Variants in MYPN observed in about 807,000 individuals in gnomAD.
The protein encoded by MYPN is myopalladin.
In MYPN, 63 loss-of-function variants were observed where a neutral mutation model predicts 129.4. The observed-to-expected ratio is 0.49, with a 90% CI of 0.40 to 0.60. The LOEUF (loss-of-function observed/expected upper bound fraction) is 0.60. Among genes scored for constraint, MYPN ranks in the 20% least tolerant of loss-of-function variants. The probability of loss-of-function intolerance (pLI) is 0.00; values close to 1 mark genes in which losing one functional copy is unlikely to be tolerated. For synonymous variants in MYPN, 629 were observed against 600.9 expected, an observed-to-expected ratio of 1.05 and a Z score of -0.68; for missense variants, 1,596 against 1,635.4, an observed-to-expected ratio of 0.98 and a Z score of 0.42.
intron 8 of MYPN, chr10:68,162,003 A>G: frequency 3.1e-6 from 1 of 320,292 alleles, no homozygotes. Flanking sequence ...CCCCATCTCT[A>G]CTAAAAATAT....
intron 17 of MYPN, among the ~76,000 whole-genome samples, chr10:68,201,471 G>A (rs1300215478): frequency 7.2e-5 from 11 of 152,126 alleles, no homozygotes; most frequent in African/African-American, 2.7e-4. Context: ...ATTCAAATAA[G>A]AATGACCCTT....
intron 18 of MYPN, among the ~76,000 whole-genome samples, chr10:68,202,928 A>G (rs1017977736): frequency 1.2e-4 from 19 of 152,196 alleles, no homozygotes; most frequent in Non-Finnish European, 2.2e-4. Flanking sequence ...AACAGAGAAT[A>G]GTCTTGGGTT....
At chr10:68,105,509 A>G (rs1589514356), upstream of MYPN, among the ~76,000 whole-genome samples, 1 of 152,356 alleles carries the variant, frequency 6.6e-6, no homozygotes, top group African/African-American at 2.4e-5. Context: ...TTTCTTCAGT[A>G]ACTTAGTCTC....
intron 4 of MYPN, 109 bp downstream of exon 4, chr10:68,145,635 G>A (rs1353820258): frequency 1.2e-6 from 1 of 860,530 alleles, no homozygotes; most frequent in East Asian, 2.5e-5. Flanking sequence ...TCCAGGGTTT[G>A]ACCACAAAAA....
chr10:68,177,318 A>G (rs2043242530), intron 12 of MYPN, among the ~76,000 whole-genome samples: 1 of 152,194 alleles, frequency 6.6e-6, no homozygotes. Context: ...TCCTCTGAAT[A>G]TTTGTGACAT....
rs769430786 is a variant in MYPN at position 68,210,539 on chromosome 10, C to T, written c.*84C>T. Reference sequence around the variant, plus strand: ...CCAGACTTGGTGGTTTCCAAGCAACCGAAGTTGAGTAAGTTCCCACACTGC... The same window carrying T: ...CCAGACTTGGTGGTTTCCAAGCAACTGAAGTTGAGTAAGTTCCCACACTGC... On this transcript the variant is annotated 3_prime_UTR_variant, in exon 20 of 20. Coordinates refer to ENST00000358913, the MANE Select transcript of MYPN (RefSeq NM_032578.4). The T allele has an allele frequency of 3.9e-6, 6 of 1,537,034 alleles. No individual in the cohort carries two copies. The Admixed American group carries it at 6.7e-5, about 17-fold the overall frequency.
rs60341059 is a variant in MYPN at position 68,207,478 on chromosome 10, T to C, written c.3793+575T>C. Among the ~76,000 whole-genome samples, 966 of 152,274 alleles carry C rather than the reference T, an allele frequency of 6.3e-3. 19 individuals are homozygous for C. Among genetic ancestry groups the C allele is most frequent in the African/African-American group, 0.022 (928 of 41,550 alleles). On this transcript the variant is annotated intron_variant, in intron 19 of 19. Coordinates refer to ENST00000358913, the MANE Select transcript of MYPN (RefSeq NM_032578.4). ...CAGCTAGTCCAGAGTTTGCAAGTGC[T>C]TGTGCCTCTGAACAGCCAATGTTTT...
Position 68,210,860 on chromosome 10 carries a change from A to G in MYPN, c.*405A>G, listed in dbSNP as rs1250126674. The G allele has an allele frequency of 2.2e-6, 1 of 456,918 alleles. No homozygotes were observed. Among genetic ancestry groups the G allele is most frequent in the African/African-American group, 2.0e-5 (1 of 50,112 alleles). The allele number at this position is 456,918 out of a possible 1,614,324, so 28.3% of individuals were successfully genotyped here. A position where few individuals can be genotyped will look rare whatever the true frequency, so the allele number is the denominator to read the frequency against. Reference sequence around the variant, plus strand: ...GACCTTAGGATATGACTAACTCACCAAACAATGCCAAGGAGAAAGGCGGAC... The same window carrying G: ...GACCTTAGGATATGACTAACTCACCGAACAATGCCAAGGAGAAAGGCGGAC... On this transcript the variant is annotated 3_prime_UTR_variant, in exon 20 of 20. Transcript: ENST00000358913.
intron 2 of MYPN, among the ~76,000 whole-genome samples, chr10:68,123,733 A>T (rs111985729): frequency 0.023 from 3,500 of 150,690 alleles, 214 homozygotes; most frequent in East Asian, 0.2. Flanking sequence ...AAGTATAATT[A>T]AAAATTCAGT....
At position 68,199,227 on chromosome 10, in the gene MYPN, G is replaced by C. The variant is rs923000240; in HGVS notation, c.3286-141G>C. The C allele has an allele frequency of 3.9e-5, 31 of 794,670 alleles. No homozygotes were observed. The African/African-American group carries it at 5.3e-4, about 14-fold the overall frequency. The allele number at this position is 794,670 out of a possible 1,614,324, so 49.2% of individuals were successfully genotyped here. On this transcript the variant is annotated intron_variant, in intron 16 of 19. Transcript: ENST00000358913. Reference sequence around the variant, plus strand: ...TTTATTCAGACTCTTCGTTTCTCTCGATGCCCCTACAGAGAGGTTTCTCAT... The same window carrying C: ...TTTATTCAGACTCTTCGTTTCTCTCCATGCCCCTACAGAGAGGTTTCTCAT...
intron 10 of MYPN, among the ~76,000 whole-genome samples, chr10:68,169,551 G>T (rs1035995185): frequency 1.2e-4 from 19 of 152,106 alleles, no homozygotes; most frequent in Non-Finnish European, 2.8e-4. Context: ...AAAGTAGACA[G>T]GGAGTCTGGG....
upstream of MYPN, among the ~76,000 whole-genome samples, chr10:68,107,670 T>C (rs578088153): frequency 1.1e-4 from 16 of 152,166 alleles, no homozygotes; most frequent in African/African-American, 2.9e-4. Flanking sequence ...TTTCTGTAAC[T>C]CTTCTTTTGC....
chr10:68,159,842 T>C (rs1297757961), intron 7 of MYPN, among the ~76,000 whole-genome samples: 1 of 152,190 alleles, frequency 6.6e-6, no homozygotes, highest in Non-Finnish European at 1.5e-5. Flanking sequence ...TTATTTTTTA[T>C]TTTTTACATT....
intron 6 of MYPN, among the ~76,000 whole-genome samples, chr10:68,157,600 G>A (rs1464263100): frequency 6.7e-6 from 1 of 150,014 alleles, no homozygotes; most frequent in Non-Finnish European, 1.5e-5. Flanking sequence ...TTGGGAGGCC[G>A]AGGTGGGTGG....
chr10:68,092,934 G>A (rs1485728323), intron 1 of MYPN, among the ~76,000 whole-genome samples: 1 of 152,150 alleles, frequency 6.6e-6, no homozygotes, highest in Non-Finnish European at 1.5e-5. Flanking sequence ...TGTTTTCTTG[G>A]ATCAGTGGTT....
intron 6 of MYPN, among the ~76,000 whole-genome samples, chr10:68,156,696 T>C (rs1250173356): frequency 6.6e-6 from 1 of 152,188 alleles, no homozygotes; most frequent in South Asian, 2.1e-4. Flanking sequence ...TAGGACCAAG[T>C]ACAGAATATC....
upstream of MYPN, chr10:68,106,736 C>T (rs2042017003): frequency 1.4e-6 from 1 of 717,282 alleles, no homozygotes; most frequent in Non-Finnish European, 2.6e-6. Context: ...TGCTTACCGT[C>T]CAAGTGAAGA....
chr10:68,116,423 TTAAG>T, intron 1 of MYPN, among the ~76,000 whole-genome samples: 1 of 152,342 alleles, frequency 6.6e-6, no homozygotes, highest in Non-Finnish European at 1.5e-5. Flanking sequence ...TTCAGATGCA[TTAAG>T]TGACTTTCTC....
chr10:68,161,808 GA>G (rs1187335696), intron 8 of MYPN, 56 bp downstream of exon 8: 2 of 1,303,478 alleles, frequency 1.5e-6, no homozygotes, highest in Admixed American at 3.7e-5. Flanking sequence ...ATATATACAA[GA>G]ATACATAATG....
Sources: gnomAD v4.1 joint callset for allele counts (sites outside exome capture counted in the v4.1 genomes callset) on GRCh38, gnomAD v4.1.1 for gene constraint, MANE v1.5 for transcripts, NCBI Gene and HGNC (gene_info 2026-07-23, HGNC 2026-07-21) for gene names.